Variants in SMC3 observed in about 807,000 individuals in gnomAD.
SMC3 encodes the protein structural maintenance of chromosomes 3.
SMC3 carries 20 observed loss-of-function variants against 171.8 expected under a neutral mutation model. That is an observed-to-expected ratio of 0.12 (90% confidence interval 0.08 to 0.17). SMC3 has a LOEUF of 0.17. Among genes scored for constraint, SMC3 ranks in the 10% least tolerant of loss-of-function variants. The pLI is 1.00. For synonymous variants in SMC3, 464 were observed against 451.1 expected, an observed-to-expected ratio of 1.03 and a Z score of -0.36; for missense variants, 543 against 1,420.4, an observed-to-expected ratio of 0.38 and a Z score of 9.93.
In SMC3 at chr10:110,584,062, A is replaced by G. The variant is rs1861071409; in HGVS notation, c.1091+100A>G. ...TATATAGTAGCTGCTTTTTACACTT[A>G]ATTCTTTTTGTATCTTTTTGAAAAA... On this transcript the variant is annotated intron_variant, in intron 12 of 28. Transcript: ENST00000361804. 4.6e-6 allele frequency: 7 copies of G among 1,531,982 alleles called. No homozygotes were observed. The South Asian group carries it at 6.8e-5, about 15-fold the overall frequency. The allele number at this position is 1,531,982 out of a possible 1,614,324, so 94.9% of individuals were successfully genotyped here. A position where few individuals can be genotyped will look rare whatever the true frequency, so the allele number is the denominator to read the frequency against.
chr10:110,600,723 A>G (rs1197274492), intron 22 of SMC3, among the ~76,000 whole-genome samples, 177 bp downstream of exon 22: 3 of 152,228 alleles, frequency 2.0e-5, no homozygotes, highest in Non-Finnish European at 4.4e-5. Flanking sequence ...ACAAGTCACT[A>G]TTTCTAAGCC....
intron 21 of SMC3, among the ~76,000 whole-genome samples, chr10:110,600,184 G>T (rs553761195): frequency 1.3e-5 from 2 of 152,156 alleles, no homozygotes; most frequent in African/African-American, 4.8e-5. Context: ...TACCAACACC[G>T]ATTCTAAAAA....
chr10:110,583,673 T>C, intron 11 of SMC3, 125 bp downstream of exon 11: 1 of 1,213,044 alleles, frequency 8.2e-7, no homozygotes, highest in Non-Finnish European at 1.2e-6. Context: ...TTAGCATAAT[T>C]TGTACTCAAG....
intron 11 of SMC3, 60 bp downstream of exon 11, chr10:110,583,608 G>A: frequency 1.3e-6 from 2 of 1,558,352 alleles, no homozygotes; most frequent in Non-Finnish European, 1.8e-6. Context: ...AACTGTAGAA[G>A]ACAGCCCTTT....
rs767257344 is a variant in SMC3 at position 110,601,666 on chromosome 10, G to A, written c.2674G>A (p.Ala892Thr). The change falls in exon 24 of 29, where the codon GCT (alanine) becomes ACT (threonine). Residue 892 changes from alanine to threonine, a missense_variant. Physicochemically the swap from Ala to Thr is moderately conservative, Grantham distance 58 (BLOSUM62 0). This residue lies in a region of SMC3 where 81 missense variants were observed against 184.2 expected (regional missense o/e 0.44). Transcript: ENST00000361804. The stretch of plus-strand genomic sequence containing the variant: ...GGACAATTCCATTGATAAAACAGAA[G>A]CTGGAATTAAGGAGCTTCAGAAGAG... ...DLDNSIDKTE[A>T]GIKELQKSME... 14 of 1,612,436 alleles carry A rather than the reference G, an allele frequency of 8.7e-6. 1 individual carries two copies. In the South Asian group the frequency reaches 1.5e-4, roughly 18 times the overall value.
Position 110,596,497 on chromosome 10 carries a change from A to T in SMC3, c.2063A>T (p.Glu688Val), listed in dbSNP as rs761986374. ...LQKDVRKAEEELGELEAKLNE... is the reference protein window; with the variant it reads ...LQKDVRKAEEVLGELEAKLNE... Reference sequence around the variant, plus strand: ...AAAGATGTTAGAAAAGCAGAAGAAGAACTAGGTGAACTTGAAGCAAAGCTC... The same window carrying T: ...AAAGATGTTAGAAAAGCAGAAGAAGTACTAGGTGAACTTGAAGCAAAGCTC... Residue 688 changes from glutamate to valine, a missense_variant, in exon 19 of 29, where the codon GAA becomes GTA. By Grantham distance (121) the Glu-to-Val change is moderately radical. Around this residue, in one of 8 missense-constraint regions of SMC3, gnomAD observed 218 missense variants for 509.6 expected, o/e 0.43. Coordinates refer to ENST00000361804, the MANE Select transcript of SMC3 (RefSeq NM_005445.4). 1.2e-6 allele frequency: 2 copies of T among 1,614,098 alleles called. No individual in the cohort carries two copies. The highest frequency in any genetic ancestry group is 1.7e-6 in the Non-Finnish European group (2 of 1,180,000).
chr10:110,589,842 C>T (rs1191058656), intron 14 of SMC3, 50 bp from the exon 15 acceptor site: 1 of 1,540,584 alleles, frequency 6.5e-7, no homozygotes, highest in Non-Finnish European at 9.0e-7. Flanking sequence ...ACTGTTAATG[C>T]ATCCTCATAT....
chr10:110,599,871 CCT>C, intron 21 of SMC3, 59 bp downstream of exon 21: 1 of 1,493,252 alleles, frequency 6.7e-7, no homozygotes, highest in Non-Finnish European at 9.3e-7. Flanking sequence ...GTGAAAAGGG[CCT>C]TTCTTGCTAA....
intron 7 of SMC3, among the ~76,000 whole-genome samples, chr10:110,579,001 A>C (rs1358092633): frequency 6.6e-6 from 1 of 152,262 alleles, no homozygotes; most frequent in East Asian, 1.9e-4. Context: ...TTCTATAAAA[A>C]TCACATTTGA....
chr10:110,596,365 T>C, intron 18 of SMC3, 33 bp from the exon 19 acceptor site: 6 of 1,568,756 alleles, frequency 3.8e-6, no homozygotes, highest in Non-Finnish European at 5.2e-6. Context: ...ATAAAAAAGT[T>C]GTACAGACCT....
chr10:110,604,094 C>CAAAAA lies in SMC3; in HGVS notation c.3583-118_3583-114dup, dbSNP rs57491050. 3.7e-3 allele frequency: 856 copies of CAAAAA among 229,596 alleles called. 5 individuals are homozygous for CAAAAA. Among genetic ancestry groups the CAAAAA allele is most frequent in the African/African-American group, 0.01 (191 of 18,926 alleles). The allele number at this position is 229,596 out of a possible 1,614,324, so 14.2% of individuals were successfully genotyped here. On this transcript the variant is annotated intron_variant, in intron 28 of 28. Transcript: ENST00000361804. Reference sequence around the variant, plus strand: ...TGGGCAACAGAGCAAGACTCCATCTCAAAAAAAAAAAAAAAAAAAAAAACT... The same window carrying CAAAAA: ...TGGGCAACAGAGCAAGACTCCATCTCAAAAAAAAAAAAAAAAAAAAAAAAAAAACT...
At chr10:110,588,982 TAGG>T (rs1861166010) in intron 13 of SMC3, among the ~76,000 whole-genome samples, 1 of 152,112 alleles carries the variant, frequency 6.6e-6, no homozygotes, top group Non-Finnish European at 1.5e-5. Flanking sequence ...ATTATAGAAA[TAGG>T]AAGATTTAGA....
intron 14 of SMC3, 72 bp from the exon 15 acceptor site, chr10:110,589,820 T>C: frequency 6.6e-7 from 1 of 1,516,328 alleles, no homozygotes; most frequent in Non-Finnish European, 9.2e-7. Context: ...GTATTTTGAT[T>C]CTAAACTGTA....
At chr10:110,577,199 C>G (rs1249773239) in intron 4 of SMC3, among the ~76,000 whole-genome samples, 1 of 151,984 alleles carries the variant, frequency 6.6e-6, no homozygotes, top group East Asian at 1.9e-4. Flanking sequence ...GCTGTTTTGG[C>G]AAGAGGGATA....
At chr10:110,598,368 G>A (rs1039421301) in intron 20 of SMC3, 78 bp downstream of exon 20, 3 of 1,399,284 alleles carry the variant, frequency 2.1e-6, no homozygotes, top group Admixed American at 1.7e-5. Context: ...CATTATATGG[G>A]TTATCCTTGA....
At chr10:110,596,354 A>T (rs1279632315) in intron 18 of SMC3, 44 bp from the exon 19 acceptor site, 2 of 1,539,062 alleles carry the variant, frequency 1.3e-6, no homozygotes, top group Non-Finnish European at 1.8e-6. Flanking sequence ...TTTATCATTG[A>T]ATAAAAAAGT....
intron 4 of SMC3, among the ~76,000 whole-genome samples, chr10:110,576,861 A>G (rs898955918): frequency 2.0e-5 from 3 of 152,110 alleles, no homozygotes; most frequent in African/African-American, 7.3e-5. Flanking sequence ...AATGTGACAC[A>G]TGTTAAATGT....
chr10:110,601,543 C>T (rs1467855192), intron 23 of SMC3, 94 bp from the exon 24 acceptor site: 1 of 1,341,210 alleles, frequency 7.5e-7, no homozygotes, highest in Non-Finnish European at 1.0e-6. Flanking sequence ...AACCTAAAAC[C>T]TATTTTGGTA....
In SMC3 at chr10:110,599,697, A is replaced by G. The variant is rs1362094253; in HGVS notation, c.2312A>G (p.Glu771Gly). 1 of 1,614,132 alleles carries G rather than the reference A, an allele frequency of 6.2e-7. No individual in the cohort carries two copies. Among genetic ancestry groups the G allele is most frequent in the Admixed American group, 1.7e-5 (1 of 60,030 alleles). ...QSLEASLHAM[E>G]STRESLKAEL... ...TTGGAGGCAAGCTTGCATGCTATGGAGTCTACCAGAGAGTCATTGAAAGCA... is the reference window on the plus strand; with the variant it reads ...TTGGAGGCAAGCTTGCATGCTATGGGGTCTACCAGAGAGTCATTGAAAGCA... The change falls in exon 21 of 29, where the codon GAG (glutamate) becomes GGG (glycine). Residue 771 changes from glutamate to glycine, a missense_variant. Physicochemically the swap from Glu to Gly is moderately conservative, Grantham distance 98 (BLOSUM62 -2). Around this residue, in one of 8 missense-constraint regions of SMC3, gnomAD observed 218 missense variants for 509.6 expected, o/e 0.43. Coordinates refer to ENST00000361804, the MANE Select transcript of SMC3 (RefSeq NM_005445.4).
Sources: allele counts gnomAD v4.1 joint callset (sites outside exome capture counted in the v4.1 genomes callset), GRCh38; gene constraint gnomAD v4.1.1; regional missense constraint gnomAD v4.1.1; transcripts MANE v1.5; gene names NCBI Gene and HGNC (gene_info 2026-07-23, HGNC 2026-07-21).